The following ITGA9 variants were observed in gnomAD, a reference collection of about 807,000 sequenced individuals.
The protein encoded by ITGA9 is integrin subunit alpha 9.
Under a neutral mutation model 127.8 loss-of-function variants are expected in ITGA9, and 56 were observed. The observed-to-expected ratio is 0.44, with a 90% confidence interval of 0.35 to 0.55. The LOEUF (loss-of-function observed/expected upper bound fraction) is 0.55, where lower values mean the gene tolerates loss of function less well. ITGA9 is among the 20% of genes least tolerant of loss of function. The probability of loss-of-function intolerance (pLI) is 0.00; values close to 1 mark genes in which losing one functional copy is unlikely to be tolerated. For synonymous variants in ITGA9, 508 were observed against 514.5 expected (o/e 0.99, Z 0.17); for missense variants, 1,196 against 1,347.1 (o/e 0.89, Z 1.76).
At chr3:37,567,307 A>G (rs946616414) in intron 15 of ITGA9, among the ~76,000 whole-genome samples, 8 of 152,244 alleles carry the variant, frequency 5.3e-5, no homozygotes, top group African/African-American at 1.9e-4. Flanking sequence ...TGCATGGGAA[A>G]GACCCATCCC....
chr3:37,732,581 T>C (rs1696306032), intron 18 of ITGA9, 131 bp from the exon 19 acceptor site: 1 of 733,786 alleles, frequency 1.4e-6, no homozygotes, highest in South Asian at 1.5e-5. Context: ...GACGGCCTGG[T>C]CAGGGCATCT....
chr3:37,620,369 G>A (rs1293222006), intron 15 of ITGA9, among the ~76,000 whole-genome samples: 1 of 152,092 alleles, frequency 6.6e-6, no homozygotes, highest in Admixed American at 6.5e-5. Flanking sequence ...GTCCCTCCCT[G>A]CCCCTCCCCC....
At position 37,588,785 on chromosome 3, in the gene ITGA9, T is replaced by A. The variant is rs187266950; in HGVS notation, c.1690-40402T>A. Among the ~76,000 whole-genome samples the A allele has an allele frequency of 6.9e-4, 105 of 152,308 alleles. 1 individual carries two copies. The South Asian group carries it at 0.021, about 30-fold the overall frequency. ...GCCATATGACCCACCTCTGTCATTTTAGGGAGACTGAGCATGGCTGGTAAA... is the reference window on the plus strand; with the variant it reads ...GCCATATGACCCACCTCTGTCATTTAAGGGAGACTGAGCATGGCTGGTAAA... On this transcript the variant is annotated intron_variant, in intron 15 of 27. Coordinates refer to ENST00000264741, the MANE Select transcript of ITGA9 (RefSeq NM_002207.3).
intron 16 of ITGA9, among the ~76,000 whole-genome samples, chr3:37,649,648 T>C (rs1700411573): frequency 6.6e-6 from 1 of 152,138 alleles, no homozygotes; most frequent in Non-Finnish European, 1.5e-5. Flanking sequence ...CAATAATGGA[T>C]AGGACATCTA....
intron 15 of ITGA9, among the ~76,000 whole-genome samples, chr3:37,577,529 A>G (rs1324810662): frequency 2.0e-5 from 3 of 152,238 alleles, no homozygotes; most frequent in African/African-American, 4.8e-5. Flanking sequence ...CATTTCTAAC[A>G]TACCCTTAAA....
Position 37,819,079 on chromosome 3 carries a change from A to G in ITGA9, c.*90A>G, listed in dbSNP as rs911581584. 3 of 1,021,070 alleles carry G rather than the reference A, an allele frequency of 2.9e-6. No individual in the cohort carries two copies. Among genetic ancestry groups the G allele is most frequent in the Non-Finnish European group, 4.6e-6 (3 of 657,898 alleles). 63.3% of individuals were successfully genotyped at this position (1,021,070 alleles called of 1,614,324 possible). ...TTTGGAAGAAAAAAATCTTCTCCAG[A>G]TTTTTCGGAGGCCCCACTGATGCTG... On this transcript the variant is annotated 3_prime_UTR_variant, in exon 28 of 28. Transcript: ENST00000264741.
intron 15 of ITGA9, among the ~76,000 whole-genome samples, chr3:37,549,462 G>A (rs1256217348): frequency 3.3e-5 from 5 of 152,224 alleles, no homozygotes; most frequent in Non-Finnish European, 7.3e-5. Context: ...TATGTGAGAT[G>A]CAGTTTGTAG....
chr3:37,619,185 C>T (rs1489752525), intron 15 of ITGA9, among the ~76,000 whole-genome samples: 3 of 140,608 alleles, frequency 2.1e-5, no homozygotes, highest in Non-Finnish European at 5.0e-5. Flanking sequence ...AAATGAGACT[C>T]TGCATGTAAC....
intron 15 of ITGA9, among the ~76,000 whole-genome samples, chr3:37,612,685 C>T (rs546398328): frequency 5.7e-4 from 87 of 152,320 alleles, no homozygotes; most frequent in Admixed American, 2.6e-4. Flanking sequence ...TTTTGGTTGA[C>T]AGTAGTAAAA....
intron 15 of ITGA9, among the ~76,000 whole-genome samples, chr3:37,598,329 T>C (rs992915395): frequency 6.6e-6 from 1 of 152,028 alleles, no homozygotes; most frequent in African/African-American, 2.4e-5. Flanking sequence ...GAGAGTGTGC[T>C]GAAAGGTGGG....
chr3:37,584,637 C>T (rs1409975096), intron 15 of ITGA9, among the ~76,000 whole-genome samples: 1 of 152,076 alleles, frequency 6.6e-6, no homozygotes, highest in Admixed American at 6.6e-5. Flanking sequence ...TATCTGTAGT[C>T]CCAGCTACTC....
chr3:37,554,362 G>A (rs1699409240), intron 15 of ITGA9, among the ~76,000 whole-genome samples: 1 of 152,008 alleles, frequency 6.6e-6, no homozygotes, highest in Admixed American at 6.6e-5. Flanking sequence ...CTGAGGAGGA[G>A]CAGGGAGACC....
At chr3:37,559,938 G>A (rs981563615) in intron 15 of ITGA9, among the ~76,000 whole-genome samples, 2 of 152,174 alleles carry the variant, frequency 1.3e-5, no homozygotes, top group Non-Finnish European at 2.9e-5. Flanking sequence ...GGTCACATCT[G>A]TAATTGTAAA....
intron 15 of ITGA9, among the ~76,000 whole-genome samples, chr3:37,556,831 G>A (rs1276416766): frequency 1.3e-5 from 2 of 152,236 alleles, no homozygotes; most frequent in Admixed American, 6.5e-5. Flanking sequence ...CCGTGAGAGC[G>A]AGTGCTCCTC....
rs192996043 is a variant in ITGA9 at position 37,698,889 on chromosome 3, T to G, written c.2067+14874T>G. ...ATTCTGGTGTGTAATTGTGTTTCTT[T>G]GTGATTTAGAGCTGCATCTCCCATA... On this transcript the variant is annotated intron_variant, in intron 18 of 27. Transcript: ENST00000264741. 3.9e-5 allele frequency among the ~76,000 whole-genome samples: 6 copies of G among 152,340 alleles called. 1 individual carries two copies. The East Asian group carries it at 7.7e-4, about 20-fold the overall frequency.
intron 20 of ITGA9, among the ~76,000 whole-genome samples, chr3:37,739,587 C>T (rs1696406672): frequency 6.6e-6 from 1 of 152,232 alleles, no homozygotes; most frequent in Admixed American, 6.5e-5. Flanking sequence ...TGAGACTGAG[C>T]AGTTTCTTGA....
intron 16 of ITGA9, among the ~76,000 whole-genome samples, chr3:37,635,662 G>A (rs1384517953): frequency 6.7e-6 from 1 of 149,560 alleles, no homozygotes; most frequent in Non-Finnish European, 1.5e-5. Context: ...TAAGTTTTAG[G>A]GTACATGTGC....
intron 15 of ITGA9, among the ~76,000 whole-genome samples, chr3:37,587,348 A>T (rs1414640021): frequency 6.6e-6 from 1 of 152,220 alleles, no homozygotes. Flanking sequence ...AGTTAAGTTC[A>T]GGTCCTAACT....
intron 6 of ITGA9, among the ~76,000 whole-genome samples, chr3:37,503,877 T>G (rs1489958847): frequency 6.6e-6 from 1 of 152,252 alleles, no homozygotes; most frequent in Non-Finnish European, 1.5e-5. Context: ...TCCATGCCAA[T>G]TTAAGAACAG....
Sources: gnomAD v4.1 joint callset for allele counts (sites outside exome capture counted in the v4.1 genomes callset) on GRCh38, gnomAD v4.1.1 for gene constraint, MANE v1.5 for transcripts, NCBI Gene and HGNC (gene_info 2026-07-23, HGNC 2026-07-21) for gene names.